GRID1: variants seen among roughly 807,000 people sequenced by gnomAD.
GRID1 encodes the protein glutamate receptor ionotropic, delta-1.
Under a neutral mutation model 98.0 loss-of-function variants are expected in GRID1, and 28 were observed. The observed-to-expected ratio is 0.29, with a 90% confidence interval of 0.21 to 0.39. The LOEUF is 0.39. Ranked by LOEUF, GRID1 falls within the 10% of genes least tolerant of loss-of-function variation. The pLI is 1.00. For missense variants in GRID1, 1,111 were observed against 1,340.5 expected (o/e 0.83, Z 2.67); for synonymous variants, 553 against 538.5 (o/e 1.03, Z -0.37).
At chr10:85,738,570 A>C (rs1400499510) in intron 8 of GRID1, among the ~76,000 whole-genome samples, 3 of 152,218 alleles carry the variant, frequency 2.0e-5, no homozygotes, top group Admixed American at 6.5e-5. Flanking sequence ...CTTTATTCAT[A>C]ATAGCCAAAA....
At chr10:85,871,087 T>A (rs1287411890) in intron 5 of GRID1, among the ~76,000 whole-genome samples, 2 of 152,094 alleles carry the variant, frequency 1.3e-5, no homozygotes, top group Non-Finnish European at 2.9e-5. Context: ...GCCCCTCAAC[T>A]TAAGATGGGC....
chr10:85,681,524 C>T (rs1008629357), intron 12 of GRID1, among the ~76,000 whole-genome samples: 60 of 152,120 alleles, frequency 3.9e-4, no homozygotes, highest in African/African-American at 1.2e-3. Flanking sequence ...TCCCACGACC[C>T]GAGGCTTCCC....
At chr10:86,222,807 G>A (rs1037364457) in intron 2 of GRID1, among the ~76,000 whole-genome samples, 1 of 152,154 alleles carries the variant, frequency 6.6e-6, no homozygotes, top group Non-Finnish European at 1.5e-5. Context: ...CCAGCTGAAG[G>A]GGGGCAGGGC....
intron 12 of GRID1, among the ~76,000 whole-genome samples, chr10:85,668,598 C>G (rs1347791292): frequency 6.6e-6 from 1 of 152,164 alleles, no homozygotes; most frequent in East Asian, 1.9e-4. Context: ...TATAAAATCC[C>G]TTCATTTTAT....
chr10:86,275,176 A>G (rs1003575645), intron 2 of GRID1, among the ~76,000 whole-genome samples: 6 of 152,238 alleles, frequency 3.9e-5, no homozygotes, highest in Non-Finnish European at 4.4e-5. Flanking sequence ...AGCCAAACAC[A>G]GGCTAAAGGA....
chr10:86,251,304 C>A (rs550000177), intron 2 of GRID1, among the ~76,000 whole-genome samples: 86 of 151,122 alleles, frequency 5.7e-4, no homozygotes, highest in Non-Finnish European at 8.7e-4. Flanking sequence ...TATGACCCTG[C>A]CAAATCCCCC....
At chr10:85,897,109 C>T (rs1394561074) in intron 5 of GRID1, among the ~76,000 whole-genome samples, 1 of 152,046 alleles carries the variant, frequency 6.6e-6, no homozygotes, top group African/African-American at 2.4e-5. Context: ...GTATATAAGG[C>T]TGTTTGAAAG....
chr10:85,625,341 C>A (rs1379169613), intron 13 of GRID1, among the ~76,000 whole-genome samples: 1 of 152,248 alleles, frequency 6.6e-6, no homozygotes, highest in Non-Finnish European at 1.5e-5. Flanking sequence ...TCAGACCTCT[C>A]CAGGACACTG....
chr10:86,130,994 G>A (rs899585353), intron 4 of GRID1, among the ~76,000 whole-genome samples: 5 of 151,650 alleles, frequency 3.3e-5, no homozygotes, highest in African/African-American at 4.8e-5. Context: ...CCTATCACAC[G>A]TCCTGCGAGT....
At chr10:85,700,436 T>C (rs1161580100) in intron 12 of GRID1, among the ~76,000 whole-genome samples, 14 of 152,162 alleles carry the variant, frequency 9.2e-5, no homozygotes, top group Admixed American at 9.2e-4. Context: ...CCTGAGCCTC[T>C]GGGCCAAATA....
chr10:85,892,206 A>T (rs980126623), intron 5 of GRID1, among the ~76,000 whole-genome samples: 2 of 137,880 alleles, frequency 1.5e-5, no homozygotes, highest in Admixed American at 1.4e-4. Context: ...TCATGGAGAT[A>T]AAAAAAAAAC....
chr10:85,735,389 T>A (rs973888274), intron 8 of GRID1, among the ~76,000 whole-genome samples: 2 of 152,282 alleles, frequency 1.3e-5, no homozygotes, highest in African/African-American at 4.8e-5. Flanking sequence ...TGAAAGGAGA[T>A]ATATGGCCTC....
At chr10:85,607,807 C>CTT (rs749667195) in intron 15 of GRID1, among the ~76,000 whole-genome samples, 52 of 137,658 alleles carry the variant, frequency 3.8e-4, no homozygotes, top group African/African-American at 9.6e-4. Flanking sequence ...TTTCCTTTTC[C>CTT]TTTTTTTTTT....
intron 8 of GRID1, among the ~76,000 whole-genome samples, chr10:85,791,965 A>G (rs1842484817): frequency 6.6e-6 from 1 of 152,108 alleles, no homozygotes; most frequent in Non-Finnish European, 1.5e-5. Context: ...TAAGAGAAGC[A>G]GCTGAGTCCC....
At chr10:86,010,558 C>T (rs973266409) in intron 4 of GRID1, among the ~76,000 whole-genome samples, 3 of 152,030 alleles carry the variant, frequency 2.0e-5, no homozygotes, top group African/African-American at 4.8e-5. Flanking sequence ...GTGGTTCATT[C>T]CTATAATCCT....
chr10:85,789,491 C>T (rs1842459028), intron 8 of GRID1, among the ~76,000 whole-genome samples: 2 of 152,120 alleles, frequency 1.3e-5, no homozygotes, highest in African/African-American at 4.8e-5. Flanking sequence ...GAAGAAAGAC[C>T]ACCTCTTAGG....
intron 3 of GRID1, among the ~76,000 whole-genome samples, chr10:86,144,528 T>G (rs1177795732): frequency 5.3e-5 from 8 of 152,068 alleles, no homozygotes; most frequent in Admixed American, 4.6e-4. Context: ...GCCCGGTACA[T>G]CCCGGCCGCT....
intron 3 of GRID1, among the ~76,000 whole-genome samples, chr10:86,202,960 G>C (rs1033611959): frequency 1.1e-4 from 17 of 152,224 alleles, no homozygotes; most frequent in African/African-American, 3.9e-4. Flanking sequence ...CAGGAAGCTA[G>C]AGCCTAGTAA....
chr10:85,789,351 G>C (rs1236118088), intron 8 of GRID1, among the ~76,000 whole-genome samples: 2 of 152,132 alleles, frequency 1.3e-5, no homozygotes, highest in African/African-American at 4.8e-5. Flanking sequence ...GAAGATGCCA[G>C]AGCAGCCGCA....
Sources: allele counts gnomAD v4.1 joint callset (sites outside exome capture counted in the v4.1 genomes callset), GRCh38; gene constraint gnomAD v4.1.1; transcripts MANE v1.5; gene names NCBI Gene and HGNC (gene_info 2026-07-23, HGNC 2026-07-21).